DLGAP2: variants seen among roughly 807,000 people sequenced by gnomAD.
DLGAP2 encodes DLG associated protein 2, also known as disks large-associated protein 2.
DLGAP2 carries 26 observed loss-of-function variants against 100.3 expected under a neutral mutation model. The ratio of observed to expected loss-of-function variants is 0.26; its 90% CI spans 0.19 to 0.36. DLGAP2 has a LOEUF of 0.36. Among genes scored for constraint, DLGAP2 ranks in the 10% least tolerant of loss-of-function variants. The probability of loss-of-function intolerance (pLI) is 1.00; values close to 1 mark genes in which losing one functional copy is unlikely to be tolerated. For missense variants in DLGAP2, 1,858 were observed against 1,453.2 expected, an observed-to-expected ratio of 1.28 and a Z score of -4.53; for synonymous variants, 886 against 630.1, an observed-to-expected ratio of 1.41 and a Z score of -6.08.
intron 1 of DLGAP2, among the ~76,000 whole-genome samples, chr8:749,560 TGTG>T (rs1215022060): frequency 6.6e-6 from 1 of 152,158 alleles, no homozygotes; most frequent in Non-Finnish European, 1.5e-5. Context: ...CCGTATGGAG[TGTG>T]ATTAAAACTT....
At chr8:882,453 C>T (rs1166584662) in intron 1 of DLGAP2, among the ~76,000 whole-genome samples, 1 of 139,662 alleles carries the variant, frequency 7.2e-6, no homozygotes, top group Non-Finnish European at 1.5e-5. Context: ...CCTCTCCCTG[C>T]GGAGGCCTCT....
At chr8:788,662 GC>G (rs1821945438) in intron 1 of DLGAP2, among the ~76,000 whole-genome samples, 1 of 152,236 alleles carries the variant, frequency 6.6e-6, no homozygotes, top group Non-Finnish European at 1.5e-5. Context: ...GAAGCCCAGA[GC>G]GGGCAGAAGT....
In DLGAP2 at chr8:1,197,825, G is replaced by A. The variant is rs202115705; in HGVS notation, c.74-61026G>A. On this transcript the variant is annotated intron_variant, in intron 2 of 14. Transcript: ENST00000637795. ...TTTCATCTCCTGGGCCTCCTGCAGC[G>A]TTCCCTCCCATGGGGGATGAGTGGA... is the stretch of plus-strand genomic sequence containing the variant. 6.6e-5 allele frequency among the ~76,000 whole-genome samples: 10 copies of A among 152,328 alleles called. No homozygotes were observed. In the East Asian group the frequency reaches 7.7e-4, roughly 12 times the overall value.
chr8:797,787 A>T (rs1407139663), intron 1 of DLGAP2, among the ~76,000 whole-genome samples: 1 of 151,908 alleles, frequency 6.6e-6, no homozygotes, highest in Non-Finnish European at 1.5e-5. Flanking sequence ...TTTCACTCTT[A>T]TTGCCCAGGC....
intron 3 of DLGAP2, among the ~76,000 whole-genome samples, chr8:1,444,363 A>G (rs1797923099): frequency 6.6e-6 from 1 of 152,178 alleles, no homozygotes; most frequent in Non-Finnish European, 1.5e-5. Context: ...ACTACCAAAT[A>G]CTCAAATTGC....
At chr8:1,129,000 C>G (rs1209042669) in intron 2 of DLGAP2, among the ~76,000 whole-genome samples, 1 of 152,110 alleles carries the variant, frequency 6.6e-6, no homozygotes, top group Non-Finnish European at 1.5e-5. Flanking sequence ...AATTCTTTGC[C>G]CACTGATAGT....
intron 6 of DLGAP2, among the ~76,000 whole-genome samples, chr8:1,614,574 C>T (rs58934733): frequency 0.29 from 44,568 of 152,114 alleles, 7,307 homozygotes; most frequent in Middle Eastern, 0.44. Flanking sequence ...ACACGAGCTC[C>T]GGGGACTCTG....
chr8:983,622 A>G (rs1440210802), intron 2 of DLGAP2, among the ~76,000 whole-genome samples: 1 of 152,202 alleles, frequency 6.6e-6, no homozygotes, highest in Non-Finnish European at 1.5e-5. Flanking sequence ...AAAAAGAGGT[A>G]GCATTTATTT....
intron 3 of DLGAP2, among the ~76,000 whole-genome samples, chr8:1,473,279 C>A (rs117818094): frequency 0.016 from 2,476 of 152,264 alleles, 24 homozygotes; most frequent in Non-Finnish European, 0.021. Context: ...AACCTGTAAC[C>A]ACCCAATGCC....
chr8:1,090,911 T>C (rs1804159443), intron 2 of DLGAP2, among the ~76,000 whole-genome samples: 1 of 152,248 alleles, frequency 6.6e-6, no homozygotes, highest in Non-Finnish European at 1.5e-5. Context: ...CAGTTTAAAC[T>C]TAGTATTCCA....
At chr8:1,214,547 G>T (rs1798173339) in intron 2 of DLGAP2, among the ~76,000 whole-genome samples, 1 of 152,226 alleles carries the variant, frequency 6.6e-6, no homozygotes, top group Non-Finnish European at 1.5e-5. Context: ...TCAGATCCCA[G>T]GAGTGGAGTA....
intron 2 of DLGAP2, among the ~76,000 whole-genome samples, chr8:1,005,637 C>T (rs1345958819): frequency 1.3e-5 from 2 of 149,560 alleles, no homozygotes; most frequent in Non-Finnish European, 3.0e-5. Context: ...CTAGGCTGGT[C>T]TCAAATTCCT....
In DLGAP2 at chr8:1,626,848, G is replaced by A. The variant is rs1797517405; in HGVS notation, c.1551G>A (p.Arg517=). The part of the protein sequence containing the change: ...KFRSRNQSYM[R]AVSTLSQASC... ...GCTCCCGGAACCAGAGCTACATGAG[G>A]GCCGTCAGCACCCTGAGCCAGGCCA... The change falls in exon 7 of 15, where the codon AGG becomes AGA. Residue 517 remains arginine, a synonymous_variant. Coordinates refer to ENST00000637795, the MANE Select transcript of DLGAP2 (RefSeq NM_001346810.2). 1.2e-6 allele frequency: 2 copies of A among 1,606,856 alleles called. No individual in the cohort carries two copies. The highest frequency in any genetic ancestry group is 1.3e-5 in the African/African-American group (1 of 74,890).
chr8:1,432,663 G>A (rs1299967312), intron 3 of DLGAP2, among the ~76,000 whole-genome samples: 2 of 152,218 alleles, frequency 1.3e-5, no homozygotes, highest in African/African-American at 4.8e-5. Context: ...GAAGGCACTG[G>A]CCCTGAGCTG....
intron 3 of DLGAP2, among the ~76,000 whole-genome samples, chr8:1,463,248 C>CA (rs1661259931): frequency 2.0e-5 from 3 of 152,150 alleles, no homozygotes; most frequent in African/African-American, 4.8e-5. Context: ...GAATCTGTCT[C>CA]AAAAAAACAA....
At chr8:1,230,990 A>G (rs1158708872) in intron 2 of DLGAP2, among the ~76,000 whole-genome samples, 2 of 152,208 alleles carry the variant, frequency 1.3e-5, no homozygotes, top group African/African-American at 4.8e-5. Flanking sequence ...ACTGCAACAA[A>G]AACATAAATT....
chr8:1,362,927 G>T (rs1585300909), intron 3 of DLGAP2, among the ~76,000 whole-genome samples: 1 of 152,080 alleles, frequency 6.6e-6, no homozygotes, highest in South Asian at 2.1e-4. Flanking sequence ...CTGTCCTGCT[G>T]GCTTTCTTCA....
intron 5 of DLGAP2, among the ~76,000 whole-genome samples, chr8:1,551,862 C>T (rs1801779307): frequency 6.6e-6 from 1 of 152,144 alleles, no homozygotes; most frequent in African/African-American, 2.4e-5. Context: ...GGTCACATTC[C>T]CCTGAGGGCT....
intron 4 of DLGAP2, among the ~76,000 whole-genome samples, chr8:1,528,993 C>G (rs983947729): frequency 6.6e-6 from 1 of 152,136 alleles, no homozygotes; most frequent in Non-Finnish European, 1.5e-5. Flanking sequence ...TTTAACCTTC[C>G]TCATGTTTAT....
Sources: allele counts gnomAD v4.1 joint callset (sites outside exome capture counted in the v4.1 genomes callset), GRCh38; gene constraint gnomAD v4.1.1; transcripts MANE v1.5; gene names NCBI Gene and HGNC (gene_info 2026-07-23, HGNC 2026-07-21).